EPC1: variants seen among roughly 807,000 people sequenced by gnomAD.
EPC1 encodes enhancer of polycomb 1.
A neutral mutation model predicts 98.4 loss-of-function variants in EPC1; 12 were observed. The ratio of observed to expected loss-of-function variants is 0.12; its 90% CI spans 0.08 to 0.20. The LOEUF (loss-of-function observed/expected upper bound fraction) is 0.20. Ranked by LOEUF, EPC1 falls within the 10% of genes least tolerant of loss-of-function variation. The pLI is 1.00. For synonymous variants in EPC1, 357 were observed against 363.9 expected, an observed-to-expected ratio of 0.98 and a Z score of 0.21; for missense variants, 729 against 990.5, an observed-to-expected ratio of 0.74 and a Z score of 3.54.
At chr10:32,301,074 C>T (rs965326053) in intron 2 of EPC1, among the ~76,000 whole-genome samples, 1 of 151,984 alleles carries the variant, frequency 6.6e-6, no homozygotes, top group African/African-American at 2.4e-5. Flanking sequence ...ATCTATCTAT[C>T]TATCTATCTA....
intron 5 of EPC1, 198 bp downstream of exon 5, chr10:32,292,298 A>C (rs748949250): frequency 5.4e-6 from 2 of 371,322 alleles, no homozygotes; most frequent in Middle Eastern, 7.5e-4. Flanking sequence ...GTTTTAACTT[A>C]AGTGAATCCA....
intron 1 of EPC1, among the ~76,000 whole-genome samples, chr10:32,309,183 A>G (rs544906893): frequency 6.0e-4 from 91 of 152,310 alleles, no homozygotes; most frequent in African/African-American, 2.1e-3. Flanking sequence ...ATAGTGAGAT[A>G]GAATGAATAA....
At chr10:32,300,339 C>A (rs75035706) in intron 2 of EPC1, among the ~76,000 whole-genome samples, 7,083 of 151,984 alleles carry the variant, frequency 0.047, 234 homozygotes, top group Non-Finnish European at 0.064. Context: ...TGGTGTGCTG[C>A]ACCCATTAAC....
At chr10:32,310,566 A>G (rs2132846283) in intron 1 of EPC1, among the ~76,000 whole-genome samples, 2 of 152,332 alleles carry the variant, frequency 1.3e-5, no homozygotes, top group African/African-American at 4.8e-5. Flanking sequence ...TTGTGTATCA[A>G]TATTATAGTG....
intron 1 of EPC1, among the ~76,000 whole-genome samples, chr10:32,319,318 C>T (rs1016158276): frequency 8.5e-5 from 13 of 152,180 alleles, no homozygotes; most frequent in African/African-American, 2.7e-4. Context: ...AACAACCTGC[C>T]TCACACATAC....
At chr10:32,347,648 C>T (rs1439813312), upstream of EPC1, among the ~76,000 whole-genome samples, 4 of 152,174 alleles carry the variant, frequency 2.6e-5, no homozygotes, top group African/African-American at 7.2e-5. Context: ...CGGAGGGGCG[C>T]TCCAGAGGCG....
intron 1 of EPC1, among the ~76,000 whole-genome samples, chr10:32,378,306 G>GAAA (rs11443059): frequency 1.3e-5 from 2 of 150,180 alleles, no homozygotes; most frequent in Non-Finnish European, 1.5e-5. Context: ...CTTTAACAAT[G>GAAA]AAAAAAAAAA....
At chr10:32,299,937 G>A (rs190539956) in intron 2 of EPC1, among the ~76,000 whole-genome samples, 24 of 151,842 alleles carry the variant, frequency 1.6e-4, no homozygotes, top group Non-Finnish European at 2.5e-4. Flanking sequence ...ATTTTGAGAC[G>A]GAAGCTCGCT....
chr10:32,354,073 A>G (rs1467295193), intron 1 of EPC1, among the ~76,000 whole-genome samples: 2 of 152,196 alleles, frequency 1.3e-5, no homozygotes, highest in African/African-American at 2.4e-5. Flanking sequence ...TAATTTGTGC[A>G]TGGAGGTCTG....
chr10:32,357,851 ATTTTTT>A (rs58968767), intron 1 of EPC1, among the ~76,000 whole-genome samples: 2 of 124,602 alleles, frequency 1.6e-5, no homozygotes, highest in African/African-American at 6.5e-5. Context: ...TTCTCAATAA[ATTTTTT>A]TTTTTTTTTT....
At chr10:32,274,603 A>G (rs997070761) in intron 10 of EPC1, among the ~76,000 whole-genome samples, 14 of 152,152 alleles carry the variant, frequency 9.2e-5, no homozygotes, top group African/African-American at 3.1e-4. Context: ...AGGGCAAAAA[A>G]TGTTGGAAAT....
At position 32,273,281 on chromosome 10, in the gene EPC1, G is replaced by A. The variant is rs1835926110; in HGVS notation, c.1745C>T (p.Ala582Val). ...TTGCTGGTATTGTTCGGCTGTAAATGCTGAACATAAAATAAAGAAACACTT... is the reference window on the plus strand; with the variant it reads ...TTGCTGGTATTGTTCGGCTGTAAATACTGAACATAAAATAAAGAAACACTT... ...SKSSSGSAHF[A>V]FTAEQYQQHQ... Residue 582 changes from alanine to valine, a missense_variant and splice_region_variant, in exon 11 of 14, where the codon GCA (alanine) becomes GTA (valine). Ala to Val is a moderately conservative substitution (Grantham distance 64, BLOSUM62 0). Transcript: ENST00000319778. The A allele has an allele frequency of 1.2e-6, 2 of 1,613,652 alleles. No homozygotes were observed. Among genetic ancestry groups the A allele is most frequent in the Admixed American group, 3.3e-5 (2 of 59,956 alleles).
rs182181652 is a variant in EPC1 at position 32,309,288 on chromosome 10, T to C, written c.154-3357A>G. Among the ~76,000 whole-genome samples, 429 of 152,196 alleles carry C rather than the reference T, an allele frequency of 2.8e-3. 1 individual carries two copies. Among genetic ancestry groups the C allele is most frequent in the Non-Finnish European group, 5.1e-3 (348 of 68,006 alleles). On this transcript the variant is annotated intron_variant, in intron 1 of 13. Transcript: ENST00000319778. ...TAACTAGAAGAGTAGAATTGGAAAG[T>C]TCCTAAGACAAAGAAATGATAAATG...
intron 1 of EPC1, among the ~76,000 whole-genome samples, chr10:32,324,173 G>GA (rs759248235): frequency 6.6e-6 from 1 of 151,788 alleles, no homozygotes; most frequent in Non-Finnish European, 1.5e-5. Flanking sequence ...TCCTAACCTC[G>GA]TGATCCGCCC....
chr10:32,297,287 T>TC (rs1835226632), intron 2 of EPC1, among the ~76,000 whole-genome samples: 1 of 151,224 alleles, frequency 6.6e-6, no homozygotes, highest in Admixed American at 6.6e-5. Flanking sequence ...TAATTCTTTT[T>TC]TTTTTTTTTT....
intron 1 of EPC1, among the ~76,000 whole-genome samples, chr10:32,358,053 C>T (rs184907049): frequency 6.6e-6 from 1 of 151,836 alleles, no homozygotes; most frequent in Non-Finnish European, 1.5e-5. Context: ...CAAGGTTTCA[C>T]CATGTTGGCC....
intron 1 of EPC1, among the ~76,000 whole-genome samples, chr10:32,338,532 T>A (rs1003471668): frequency 1.3e-4 from 20 of 152,144 alleles, no homozygotes; most frequent in Admixed American, 5.9e-4. Context: ...CCCTTCCTGA[T>A]CTGGATCGTG....
intron 1 of EPC1, among the ~76,000 whole-genome samples, chr10:32,340,058 G>A (rs1838241548): frequency 6.6e-6 from 1 of 152,186 alleles, no homozygotes; most frequent in South Asian, 2.1e-4. Context: ...TTCACTCTAA[G>A]GTCACATCCA....
chr10:32,295,667 G>A (rs1016720319), intron 2 of EPC1, among the ~76,000 whole-genome samples: 5 of 152,068 alleles, frequency 3.3e-5, no homozygotes, highest in Non-Finnish European at 2.9e-5. Context: ...AATAATGCAG[G>A]TCTATGTTGT....
Sources: gnomAD v4.1 joint callset for allele counts (sites outside exome capture counted in the v4.1 genomes callset) on GRCh38, gnomAD v4.1.1 for gene constraint, MANE v1.5 for transcripts, NCBI Gene and HGNC (gene_info 2026-07-23, HGNC 2026-07-21) for gene names.